ZNF324B: variants seen among roughly 807,000 people sequenced by gnomAD.
ZNF324B encodes zinc finger protein 324B.
Under a neutral mutation model 10.6 loss-of-function variants are expected in ZNF324B, and 7 were observed. That is an observed-to-expected ratio of 0.66 (90% CI 0.38 to 1.24). ZNF324B has a LOEUF of 1.24. Ranked by LOEUF, ZNF324B falls within the 50% of genes most tolerant of loss-of-function variation. The probability of loss-of-function intolerance (pLI) is 0.02; values close to 1 mark genes in which losing one functional copy is unlikely to be tolerated. For missense variants in ZNF324B, 640 were observed against 764.7 expected, an observed-to-expected ratio of 0.84 and a Z score of 1.92; for synonymous variants, 316 against 321.0, an observed-to-expected ratio of 0.98 and a Z score of 0.17.
At chr19:58,427,415 C>T in the ZNF324B span, among the ~76,000 whole-genome samples, 149 of 28,444 alleles carry the variant, frequency 5.2e-3, 2 homozygotes, top group African/African-American at 0.021. Flanking sequence ...TCCTTCCTTC[C>T]TTCCTTCCTT....
intron 2 of ZNF324B, 97 bp from the exon 3 acceptor site, chr19:58,454,131 A>C: frequency 1.2e-6 from 1 of 817,696 alleles, no homozygotes; most frequent in South Asian, 1.5e-5. Context: ...AGTTGCACAG[A>C]TTACTGTCTA....
the ZNF324B span, chr19:58,430,461 CT>C: frequency 6.6e-6 from 1 of 152,254 alleles, no homozygotes; most frequent in Non-Finnish European, 1.5e-5. Context: ...ACAGTGCCGC[CT>C]AAGATTCTGG....
At chr19:58,453,656 A>G (rs752866884) in intron 1 of ZNF324B, 40 bp from the exon 2 acceptor site, 193 of 1,613,898 alleles carry the variant, frequency 1.2e-4, no homozygotes, top group Admixed American at 1.3e-4. Flanking sequence ...TCACAGCCAT[A>G]CCTTAGACCA....
rs779513346 is a variant in ZNF324B at position 58,455,321 on chromosome 19, C to T, written c.377C>T (p.Pro126Leu). ...AGTGTAAAAAGCCTGCAGCGACAAC[C>T]GGGTGCCTCCCCATCTCAGGAGAGA... ...CHSVKSLQRQ[P>L]GASPSQERKP... Residue 126 changes from proline to leucine, a missense_variant, in exon 4 of 4, where the codon CCG becomes CTG. Around this residue, in one of 3 missense-constraint regions of ZNF324B, gnomAD observed 345 missense variants for 387.9 expected, o/e 0.89. Coordinates refer to ENST00000336614, the MANE Select transcript of ZNF324B (RefSeq NM_207395.3). The surrounding 1 kb of genome is among the most constrained non-coding windows in gnomAD (Gnocchi z 7.0). 3.1e-6 allele frequency: 5 copies of T among 1,614,114 alleles called. No homozygotes were observed. The highest frequency in any genetic ancestry group is 2.7e-5 in the African/African-American group (2 of 74,936).
At chr19:58,436,804 G>T in the ZNF324B span, 1 of 628,252 alleles carries the variant, frequency 1.6e-6, no homozygotes, top group South Asian at 1.6e-5. Context: ...GACTGGAGGT[G>T]TCTGATCCCC....
intron 3 of ZNF324B, 29 bp downstream of exon 3, chr19:58,454,373 A>G (rs777962672): frequency 2.6e-5 from 38 of 1,468,408 alleles, no homozygotes; most frequent in Non-Finnish European, 3.3e-5. Context: ...GGGGTGAACT[A>G]AGGACCAACC....
chr19:58,427,343 C>CTTTCCT, the ZNF324B span, among the ~76,000 whole-genome samples: 24 of 23,090 alleles, frequency 1.0e-3, no homozygotes, highest in South Asian at 3.7e-3. Context: ...TTCTTTCTTT[C>CTTTCCT]TCTTTCCTTT....
At chr19:58,422,368 T>C in the ZNF324B span, among the ~76,000 whole-genome samples, 1 of 152,184 alleles carries the variant, frequency 6.6e-6, no homozygotes, top group Non-Finnish European at 1.5e-5. Context: ...AAGACAAAGA[T>C]GCCCACTTTC....
the ZNF324B span, chr19:58,445,685 C>T: frequency 2.9e-6 from 1 of 343,528 alleles, no homozygotes; most frequent in South Asian, 2.3e-5. Flanking sequence ...CATGGTAACG[C>T]CCATCTGTAA....
At chr19:58,444,604 G>T in the ZNF324B span, 1 of 152,336 alleles carries the variant, frequency 6.6e-6, no homozygotes, top group Non-Finnish European at 1.5e-5. Flanking sequence ...TCACTGCATG[G>T]TACTGACCTG....
At chr19:58,443,290 A>G in the ZNF324B span, 2 of 152,242 alleles carry the variant, frequency 1.3e-5, no homozygotes, top group African/African-American at 2.4e-5. Flanking sequence ...ACCTTTAGCT[A>G]GACACAGAGC....
chr19:58,435,921 C>T, the ZNF324B span, among the ~76,000 whole-genome samples: 1 of 152,116 alleles, frequency 6.6e-6, no homozygotes. Flanking sequence ...TTTTTTCTAA[C>T]ACCTAAAAAA....
At position 58,454,218 on chromosome 19, in the gene ZNF324B, C is replaced by T. The variant is rs1193966942; in HGVS notation, c.122-10C>T. On this transcript the variant is annotated splice_polypyrimidine_tract_variant and intron_variant, in intron 2 of 3. Coordinates refer to ENST00000336614, the MANE Select transcript of ZNF324B (RefSeq NM_207395.3). Reference sequence around the variant, plus strand: ...CCTGGGGCTGGGCTCTCACCTGCTCCTCCTCACAGGACTCTCTACCTCCCG... The same window carrying T: ...CCTGGGGCTGGGCTCTCACCTGCTCTTCCTCACAGGACTCTCTACCTCCCG... 3.1e-6 allele frequency: 5 copies of T among 1,602,736 alleles called. No homozygotes were observed. In the South Asian group the frequency reaches 3.3e-5, roughly 11 times the overall value.
At chr19:58,450,726 C>T (rs1044298855), upstream of ZNF324B, among the ~76,000 whole-genome samples, 1 of 152,118 alleles carries the variant, frequency 6.6e-6, no homozygotes, top group African/African-American at 2.4e-5. Flanking sequence ...AATGAATTAA[C>T]GTACTTGACA....
rs1312525496 is a variant in ZNF324B, at chr19:58,456,865, G to A, written c.*286G>A. 1.9e-6 allele frequency: 1 copy of A among 535,408 alleles called. No individual in the cohort carries two copies. The allele number at this position is 535,408 out of a possible 1,614,324, so 33.2% of individuals were successfully genotyped here. On this transcript the variant is annotated 3_prime_UTR_variant, in exon 4 of 4. Coordinates refer to ENST00000336614, the MANE Select transcript of ZNF324B (RefSeq NM_207395.3). This position sits in a 1 kb window ranked among gnomAD's most constrained non-coding sequence, Gnocchi z 4.7. ...GCTGAGGCTGTAGTTGGGGCCATAG[G>A]ACGCCGACAAAGGCAGCGCTGCATG...
chr19:58,440,509 A>G, the ZNF324B span: 1 of 152,544 alleles, frequency 6.6e-6, no homozygotes, highest in Middle Eastern at 3.4e-3. Context: ...TCTGCTTCTG[A>G]AGGGACCGCG....
the ZNF324B span, among the ~76,000 whole-genome samples, chr19:58,423,219 G>A: frequency 1.3e-5 from 2 of 152,048 alleles, no homozygotes; most frequent in Admixed American, 6.6e-5. Flanking sequence ...GAGTGCAGTG[G>A]CGCGATCTCG....
the ZNF324B span, among the ~76,000 whole-genome samples, chr19:58,425,424 CCTTCCTTCCTTCCTTCCTGTCTTCCTT>C: frequency 2.0e-5 from 3 of 149,610 alleles, no homozygotes; most frequent in Non-Finnish European, 4.5e-5. Context: ...TTAGATTTTT[CCTTCCTTCCTTCCTTCCTGTCTTCCTT>C]CTTCCTTCCT....
the ZNF324B span, among the ~76,000 whole-genome samples, chr19:58,427,727 C>G: frequency 6.6e-6 from 1 of 151,622 alleles, no homozygotes; most frequent in African/African-American, 2.4e-5. Context: ...GCAAACATAG[C>G]TCACTGCAGT....
Sources: gnomAD v4.1 joint callset for allele counts (sites outside exome capture counted in the v4.1 genomes callset) on GRCh38, gnomAD v4.1.1 for gene constraint, gnomAD v4.1.1 regional missense constraint, Gnocchi (gnomAD v3.1) non-coding constraint, MANE v1.5 for transcripts, NCBI Gene and HGNC (gene_info 2026-07-23, HGNC 2026-07-21) for gene names.